MTMR10: variants seen among roughly 807,000 people sequenced by gnomAD.
The protein encoded by MTMR10 is myotubularin related protein 10.
Under a neutral mutation model 88.1 loss-of-function variants are expected in MTMR10, and 56 were observed. The ratio of observed to expected loss-of-function variants is 0.64; its 90% CI spans 0.51 to 0.79. MTMR10 has a LOEUF of 0.79. MTMR10 is among the 30% of genes least tolerant of loss of function. The pLI, the probability that MTMR10 is intolerant of heterozygous loss-of-function variation, is 0.00. For missense variants in MTMR10, 883 were observed against 924.7 expected, an observed-to-expected ratio of 0.95 and a Z score of 0.58; for synonymous variants, 380 against 340.9, an observed-to-expected ratio of 1.11 and a Z score of -1.26.
the MTMR10 span, chr15:30,926,026 CCTCT>C: frequency 7.4e-7 from 1 of 1,343,026 alleles, no homozygotes; most frequent in South Asian, 1.3e-5. Flanking sequence ...GGGCTGCTGT[CCTCT>C]CTCTGTCCTC....
intron 12 of MTMR10, 48 bp downstream of exon 12, chr15:30,951,920 G>C (rs1361129518): frequency 6.6e-7 from 1 of 1,511,398 alleles, no homozygotes; most frequent in Non-Finnish European, 9.2e-7. Context: ...GTAAACCAAG[G>C]CTGGCTGGTA....
Position 30,941,195 on chromosome 15 carries a change from TGGAGACAAAAATGTA to T in MTMR10, c.*260_*274del, listed in dbSNP as rs2063036395. On this transcript the variant is annotated 3_prime_UTR_variant, in exon 16 of 16. Coordinates refer to ENST00000435680, the MANE Select transcript of MTMR10 (RefSeq NM_017762.3). ...TTCAGGAGGTGGTAGGAAAAATGGATGGAGACAAAAATGTAGCAGACAACATGAACAGTTTGATCA... is the reference window on the plus strand; with the variant it reads ...TTCAGGAGGTGGTAGGAAAAATGGATGCAGACAACATGAACAGTTTGATCA... 1 of 1,354,188 alleles carries T rather than the reference TGGAGACAAAAATGTA, an allele frequency of 7.4e-7. No individual in the cohort carries two copies. Among genetic ancestry groups the T allele is most frequent in the African/African-American group, 1.5e-5 (1 of 68,528 alleles). The allele number at this position is 1,354,188 out of a possible 1,614,324, so 83.9% of individuals were successfully genotyped here.
chr15:30,932,551 G>C, the MTMR10 span, among the ~76,000 whole-genome samples: 1 of 151,960 alleles, frequency 6.6e-6, no homozygotes, highest in Non-Finnish European at 1.5e-5. Context: ...GGAGATTTTG[G>C]GGGGAGGAAA....
chr15:30,988,206 G>C (rs907973973), intron 2 of MTMR10, among the ~76,000 whole-genome samples: 2 of 152,106 alleles, frequency 1.3e-5, no homozygotes, highest in Non-Finnish European at 2.9e-5. Context: ...ACCACAACAG[G>C]GCAGCCAGAC....
the MTMR10 span, chr15:30,922,188 G>C: frequency 6.3e-7 from 1 of 1,590,158 alleles, no homozygotes; most frequent in Non-Finnish European, 8.5e-7. Context: ...CATTGCAGCT[G>C]GATTTTTTGT....
the MTMR10 span, chr15:30,925,361 C>T: frequency 1.4e-6 from 2 of 1,408,518 alleles, no homozygotes; most frequent in East Asian, 4.6e-5. Flanking sequence ...CAGAAGCATC[C>T]TAAGAGCTGT....
Position 30,973,675 on chromosome 15 carries a change from G to A in MTMR10, c.474+639C>T, listed in dbSNP as rs758484980. Among the ~76,000 whole-genome samples, 6 of 152,182 alleles carry A rather than the reference G, an allele frequency of 3.9e-5. No individual in the cohort carries two copies. In the East Asian group the frequency reaches 7.7e-4, roughly 20 times the overall value. On this transcript the variant is annotated intron_variant, in intron 5 of 15. Coordinates refer to ENST00000435680, the MANE Select transcript of MTMR10 (RefSeq NM_017762.3). The stretch of plus-strand genomic sequence containing the variant: ...CATTTGCTGCAGCACAGACTGGAAC[G>A]GGGGCCATATTAGGTCTACCAGCTT...
the MTMR10 span, among the ~76,000 whole-genome samples, chr15:30,924,193 G>T: frequency 6.6e-6 from 1 of 152,160 alleles, no homozygotes; most frequent in African/African-American, 2.4e-5. Context: ...TCCTTCTCCA[G>T]GCTGAACACA....
At chr15:30,981,800 A>C (rs924391658) in intron 2 of MTMR10, among the ~76,000 whole-genome samples, 1 of 152,120 alleles carries the variant, frequency 6.6e-6, no homozygotes, top group Admixed American at 6.5e-5. Flanking sequence ...TAAAAATCTC[A>C]TTCTCATGCC....
chr15:30,931,629 T>A, the MTMR10 span, among the ~76,000 whole-genome samples: 4 of 152,240 alleles, frequency 2.6e-5, no homozygotes, highest in Non-Finnish European at 5.9e-5. Context: ...TGGAATTCAT[T>A]TGTGGTGTGT....
Position 30,943,021 on chromosome 15 carries a change from A to C in MTMR10, c.1600T>G (p.Phe534Val). 1 of 1,551,178 alleles carries C rather than the reference A, an allele frequency of 6.4e-7. No individual in the cohort carries two copies. Among genetic ancestry groups the C allele is most frequent in the Non-Finnish European group, 8.7e-7 (1 of 1,146,876 alleles). ...IQLGDEKGLKFPSVWDWSLQF... is the reference protein window; with the variant it reads ...IQLGDEKGLKVPSVWDWSLQF... The stretch of plus-strand genomic sequence containing the variant: ...AGAGACCAGTCCCAAACAGAGGGGA[A>C]TTTTAAGCCCTTCTCATCACCCAAT... The change falls in exon 15 of 16, where the codon TTC becomes GTC. Residue 534 changes from phenylalanine to valine, a missense_variant. By Grantham distance (50) the Phe-to-Val change is conservative. Around this residue, in one of 3 missense-constraint regions of MTMR10, gnomAD observed 343 missense variants for 323.2 expected, o/e 1.06. Transcript: ENST00000435680.
chr15:30,944,151 G>T (rs2063131772), intron 14 of MTMR10: 1 of 360,036 alleles, frequency 2.8e-6, no homozygotes, highest in Admixed American at 6.4e-5. Context: ...TGGCACAGTG[G>T]CGGCTTGAAT....
chr15:30,960,115 A>C (rs989729281), intron 7 of MTMR10, among the ~76,000 whole-genome samples: 9 of 152,226 alleles, frequency 5.9e-5, no homozygotes, highest in African/African-American at 1.4e-4. Flanking sequence ...AAGGTGAACA[A>C]TAGCAATCCT....
intron 6 of MTMR10, among the ~76,000 whole-genome samples, chr15:30,963,560 C>CTGG: frequency 6.6e-6 from 1 of 152,176 alleles, no homozygotes; most frequent in Non-Finnish European, 1.5e-5. Flanking sequence ...TGGTGTGAAC[C>CTGG]TGGCAGGCAG....
the MTMR10 span, among the ~76,000 whole-genome samples, chr15:30,929,662 G>A: frequency 3.1e-3 from 307 of 99,502 alleles, 6 homozygotes; most frequent in African/African-American, 0.014. Context: ...TATAATATAT[G>A]AAATATATAA....
At chr15:30,928,345 C>G in the MTMR10 span, 1 of 1,301,354 alleles carries the variant, frequency 7.7e-7, no homozygotes, top group Non-Finnish European at 9.7e-7. Flanking sequence ...AAGATTTTTG[C>G]CCTTAAGGCT....
chr15:30,943,085 T>TAAATA lies in MTMR10; in HGVS notation c.1549-18_1549-14dup, dbSNP rs1223583766. 1 of 1,529,764 alleles carries TAAATA rather than the reference T, an allele frequency of 6.5e-7. No individual in the cohort carries two copies. Among genetic ancestry groups the TAAATA allele is most frequent in the African/African-American group, 1.4e-5 (1 of 71,508 alleles). The allele number at this position is 1,529,764 out of a possible 1,614,324, so 94.8% of individuals were successfully genotyped here. ...TTATAGCAAATTCCTGCAAAATAAA[T>TAAATA]AAATAAATATTTGCAAAACTAAAGA... is the stretch of plus-strand genomic sequence containing the variant. On this transcript the variant is annotated splice_polypyrimidine_tract_variant and intron_variant, in intron 14 of 15. Coordinates refer to ENST00000435680, the MANE Select transcript of MTMR10 (RefSeq NM_017762.3).
At chr15:30,953,785 G>A (rs1174025972) in intron 10 of MTMR10, among the ~76,000 whole-genome samples, 154 bp from the exon 11 acceptor site, 1 of 152,142 alleles carries the variant, frequency 6.6e-6, no homozygotes, top group Non-Finnish European at 1.5e-5. Flanking sequence ...CATTTAAGAA[G>A]ACATTACAAT....
downstream of MTMR10, among the ~76,000 whole-genome samples, chr15:30,938,260 TGAA>T (rs1002238587): frequency 6.6e-6 from 1 of 152,172 alleles, no homozygotes; most frequent in Admixed American, 6.5e-5. Context: ...CCGAGATTCT[TGAA>T]TTAAGTTTTT....
Sources: allele counts gnomAD v4.1 joint callset (sites outside exome capture counted in the v4.1 genomes callset), GRCh38; gene constraint gnomAD v4.1.1; regional missense constraint gnomAD v4.1.1; transcripts MANE v1.5; gene names NCBI Gene and HGNC (gene_info 2026-07-23, HGNC 2026-07-21).